The following FBXW2 variants were observed in gnomAD, a reference collection of about 807,000 sequenced individuals.
FBXW2 encodes the protein F-box/WD repeat-containing protein 2.
Under a neutral mutation model 46.0 loss-of-function variants are expected in FBXW2, and 12 were observed. That is an observed-to-expected ratio of 0.26 (90% CI 0.17 to 0.42). The LOEUF is 0.42. Ranked by LOEUF, FBXW2 falls within the 10% of genes least tolerant of loss-of-function variation. The pLI is 1.00. For synonymous variants in FBXW2, 203 were observed against 209.6 expected (o/e 0.97, Z 0.27); for missense variants, 360 against 537.0 (o/e 0.67, Z 3.26).
chr9:120,769,257 T>G (rs1002137057), intron 7 of FBXW2, among the ~76,000 whole-genome samples: 12 of 152,166 alleles, frequency 7.9e-5, no homozygotes, highest in African/African-American at 2.9e-4. Context: ...TGTAGTAGGT[T>G]TCAACAGAGG....
chr9:120,767,353 A>ACTTCT (rs2044294473), intron 7 of FBXW2, among the ~76,000 whole-genome samples: 1 of 152,214 alleles, frequency 6.6e-6, no homozygotes, highest in Non-Finnish European at 1.5e-5. Flanking sequence ...CTGCTAAAAG[A>ACTTCT]GGTAGACATT....
Position 120,776,148 on chromosome 9 carries a change from A to G in FBXW2, c.764T>C (p.Leu255Ser). The change falls in exon 5 of 8, where the codon TTA (leucine) becomes TCA (serine). Residue 255 changes from leucine (L) to serine (S), a missense_variant. Coordinates refer to ENST00000608872, the MANE Select transcript of FBXW2 (RefSeq NM_012164.4). ...SADFTVKVWA[L>S]SAGTCLNTLT... ...TGTGTTCAGGCATGTCCCAGCAGATAAAGCCCATACTTTCACAGTGAAGTC... is the reference window on the plus strand; with the variant it reads ...TGTGTTCAGGCATGTCCCAGCAGATGAAGCCCATACTTTCACAGTGAAGTC... 1.2e-6 allele frequency: 2 copies of G among 1,614,192 alleles called. No homozygotes were observed. Among genetic ancestry groups the G allele is most frequent in the South Asian group, 2.2e-5 (2 of 91,076 alleles).
chr9:120,766,418 T>A (rs193290527), intron 7 of FBXW2, among the ~76,000 whole-genome samples: 252 of 152,148 alleles, frequency 1.7e-3, no homozygotes, highest in African/African-American at 5.9e-3. Flanking sequence ...CATTTACATG[T>A]GCAAGGCACC....
chr9:120,763,609 T>G lies in FBXW2; in HGVS notation c.*950A>C, dbSNP rs2044227178. On this transcript the variant is annotated 3_prime_UTR_variant, in exon 8 of 8. Transcript: ENST00000608872. Reference sequence around the variant, plus strand: ...TTATAGAAAACTCTGTAACAGTCATTTCATTTAAATATTATCCGACCTGAA... The same window carrying G: ...TTATAGAAAACTCTGTAACAGTCATGTCATTTAAATATTATCCGACCTGAA... 6.6e-6 allele frequency: 1 copy of G among 152,234 alleles called. No individual in the cohort carries two copies. Among genetic ancestry groups the G allele is most frequent in the Non-Finnish European group, 1.5e-5 (1 of 68,044 alleles). The allele number at this position is 152,234 out of a possible 1,614,324, so 9.4% of individuals were successfully genotyped here.
Position 120,757,494 on chromosome 9 carries a change from G to A in FBXW2, c.*7065C>T, listed in dbSNP as rs1434231491. On this transcript the variant is annotated 3_prime_UTR_variant, in exon 8 of 8. Coordinates refer to ENST00000608872, the MANE Select transcript of FBXW2 (RefSeq NM_012164.4). ...AACTACCTAATTATCTACCAAAACA[G>A]AAATGGTTTAGCAAATTACAGTAAT... 6.6e-6 allele frequency: 1 copy of A among 152,156 alleles called. No homozygotes were observed. Among genetic ancestry groups the A allele is most frequent in the Non-Finnish European group, 1.5e-5 (1 of 68,016 alleles). 9.4% of individuals were successfully genotyped at this position (152,156 alleles called of 1,614,324 possible). A position where few individuals can be genotyped will look rare whatever the true frequency, so the allele number is the denominator to read the frequency against.
intron 7 of FBXW2, among the ~76,000 whole-genome samples, chr9:120,765,102 T>G (rs1453556867): frequency 1.3e-5 from 2 of 151,830 alleles, no homozygotes; most frequent in East Asian, 1.9e-4. Context: ...AAAGTTTTTT[T>G]TTTTTTTTTT....
intron 5 of FBXW2, among the ~76,000 whole-genome samples, chr9:120,774,570 T>C (rs1296284607): frequency 6.6e-6 from 1 of 152,174 alleles, no homozygotes; most frequent in African/African-American, 2.4e-5. Context: ...GCAAGCCAGG[T>C]GGCTTTACCT....
chr9:120,790,415 C>T (rs1260944584), intron 2 of FBXW2, among the ~76,000 whole-genome samples: 3 of 151,866 alleles, frequency 2.0e-5, no homozygotes, highest in Non-Finnish European at 2.9e-5. Flanking sequence ...ACCCAGGAGG[C>T]GGAGCTTGCA....
At chr9:120,767,233 T>C (rs558667918) in intron 7 of FBXW2, among the ~76,000 whole-genome samples, 2 of 152,284 alleles carry the variant, frequency 1.3e-5, no homozygotes, top group South Asian at 4.2e-4. Context: ...ACTAAGAATA[T>C]CAACAAGACA....
At chr9:120,777,679 A>G (rs2044525595) in intron 4 of FBXW2, among the ~76,000 whole-genome samples, 1 of 152,060 alleles carries the variant, frequency 6.6e-6, no homozygotes, top group Non-Finnish European at 1.5e-5. Flanking sequence ...AGGCTGGGAA[A>G]TAGCTCAATT....
Position 120,778,549 on chromosome 9 carries a change from C to G in FBXW2, c.491-4G>C. On this transcript the variant is annotated splice_polypyrimidine_tract_variant and splice_region_variant and intron_variant, in intron 3 of 7. Coordinates refer to ENST00000608872, the MANE Select transcript of FBXW2 (RefSeq NM_012164.4). ...TTTGCAGACAAGTCATCTGACCCTT[C>G]AAGAGAAAAACAGGGAGGTTAATAA... 6.2e-7 allele frequency: 1 copy of G among 1,608,198 alleles called. No individual in the cohort carries two copies.
Position 120,757,902 on chromosome 9 carries a change from T to C in FBXW2, c.*6657A>G, listed in dbSNP as rs949303928. 5.3e-5 allele frequency: 8 copies of C among 152,250 alleles called. No homozygotes were observed. The highest frequency in any genetic ancestry group is 1.9e-4 in the African/African-American group (8 of 41,478). 9.4% of individuals were successfully genotyped at this position (152,250 alleles called of 1,614,324 possible). On this transcript the variant is annotated 3_prime_UTR_variant, in exon 8 of 8. Coordinates refer to ENST00000608872, the MANE Select transcript of FBXW2 (RefSeq NM_012164.4). ...CTAAGAGAGGAAAAGCTGTGTGGAA[T>C]TGATCTTTCATTTGCTTCTGATCTT...
chr9:120,790,824 A>T (rs1289193022), intron 2 of FBXW2, among the ~76,000 whole-genome samples: 1 of 151,502 alleles, frequency 6.6e-6, no homozygotes, highest in Non-Finnish European at 1.5e-5. Flanking sequence ...CTTAAATTTA[A>T]AAAAAAAATG....
rs2044762497 is a variant in FBXW2 at position 120,788,186 on chromosome 9, T to C, written c.73A>G (p.Lys25Glu). ...ATCAGGTGATCCAGAGTTTCATTTT[T>C]CTGCAAGTCCGTCAGAGAAAGAAAT... ...VTFLSLTDLQ[K>E]NETLDHLISL... The change falls in exon 3 of 8, where the codon AAA becomes GAA. Residue 25 changes from lysine to glutamate, a missense_variant. Coordinates refer to ENST00000608872, the MANE Select transcript of FBXW2 (RefSeq NM_012164.4). 2 of 1,614,116 alleles carry C rather than the reference T, an allele frequency of 1.2e-6. No homozygotes were observed. Among genetic ancestry groups the C allele is most frequent in the African/African-American group, 1.3e-5 (1 of 74,938 alleles).
chr9:120,788,395 T>A, intron 2 of FBXW2, 117 bp from the exon 3 acceptor site: 1 of 875,354 alleles, frequency 1.1e-6, no homozygotes, highest in Non-Finnish European at 1.8e-6. Context: ...ACTTTATGCG[T>A]AGTTACATTA....
In FBXW2 at chr9:120,759,339, A is replaced by C. The variant is rs1055289040; in HGVS notation, c.*5220T>G. 6.6e-6 allele frequency: 1 copy of C among 152,232 alleles called. No individual in the cohort carries two copies. Among genetic ancestry groups the C allele is most frequent in the African/African-American group, 2.4e-5 (1 of 41,458 alleles). 9.4% of individuals were successfully genotyped at this position (152,232 alleles called of 1,614,324 possible). ...AGTTAACACAATCACTCACGGGTAA[A>C]AAGAGTGCTTCTATGATGCAAGAAA... On this transcript the variant is annotated 3_prime_UTR_variant, in exon 8 of 8. Transcript: ENST00000608872.
chr9:120,774,272 T>C (rs975176314), intron 5 of FBXW2, among the ~76,000 whole-genome samples: 2 of 142,636 alleles, frequency 1.4e-5, no homozygotes, highest in South Asian at 4.3e-4. Flanking sequence ...GGCAGATGGA[T>C]GCTGCAGTGA....
chr9:120,786,516 G>A (rs374574642), intron 3 of FBXW2, among the ~76,000 whole-genome samples: 4 of 152,078 alleles, frequency 2.6e-5, no homozygotes, highest in Non-Finnish European at 4.4e-5. Context: ...TAAATTACCC[G>A]GTCTTAGGCA....
Position 120,764,909 on chromosome 9 carries a change from T to G in FBXW2, c.1077-62A>C, listed in dbSNP as rs937642985. 2.3e-6 allele frequency: 3 copies of G among 1,296,128 alleles called. No individual in the cohort carries two copies. In the African/African-American group the frequency reaches 4.4e-5, roughly 19 times the overall value. The allele number at this position is 1,296,128 out of a possible 1,614,324, so 80.3% of individuals were successfully genotyped here. A position where few individuals can be genotyped will look rare whatever the true frequency, so the allele number is the denominator to read the frequency against. ...AACCTTGCTTCTGTTTATGCTACTG[T>G]AATCTTTTCTGGAGATATTTAAAAC... is the stretch of plus-strand genomic sequence containing the variant. On this transcript the variant is annotated intron_variant, in intron 7 of 7. Coordinates refer to ENST00000608872, the MANE Select transcript of FBXW2 (RefSeq NM_012164.4).
Sources: gnomAD v4.1 joint callset for allele counts (sites outside exome capture counted in the v4.1 genomes callset) on GRCh38, gnomAD v4.1.1 for gene constraint, MANE v1.5 for transcripts, NCBI Gene and HGNC (gene_info 2026-07-23, HGNC 2026-07-21) for gene names.